The following GSE1 variants were observed in gnomAD, a reference collection of about 807,000 sequenced individuals.
The protein encoded by GSE1 is Gse1 coiled-coil protein, also known as genetic suppressor element 1.
GSE1 carries 32 observed loss-of-function variants against 112.6 expected under a neutral mutation model. The ratio of observed to expected loss-of-function variants is 0.28; its 90% CI spans 0.21 to 0.38. The LOEUF (loss-of-function observed/expected upper bound fraction) is 0.38, where lower values mean the gene tolerates loss of function less well. Among genes scored for constraint, GSE1 ranks in the 10% least tolerant of loss-of-function variants. The pLI is 1.00. For synonymous variants in GSE1, 1,115 were observed against 735.6 expected, an observed-to-expected ratio of 1.52 and a Z score of -8.35; for missense variants, 2,348 against 1,699.2, an observed-to-expected ratio of 1.38 and a Z score of -6.71.
intron 2 of GSE1, among the ~76,000 whole-genome samples, chr16:85,519,367 C>T (rs1228198113): frequency 2.1e-5 from 2 of 93,118 alleles, no homozygotes; most frequent in Admixed American, 1.1e-4. Flanking sequence ...TCACCATCAC[C>T]GGTCTCCATC....
chr16:85,512,051 C>A (rs1385686574), intron 2 of GSE1, among the ~76,000 whole-genome samples: 1 of 152,068 alleles, frequency 6.6e-6, no homozygotes, highest in African/African-American at 2.4e-5. Context: ...TTGTGAGGGT[C>A]CGGGGGCTGG....
chr16:85,452,053 G>A (rs1465905549), intron 2 of GSE1, among the ~76,000 whole-genome samples: 1 of 152,110 alleles, frequency 6.6e-6, no homozygotes, highest in African/African-American at 2.4e-5. Context: ...GTGTCTCGGT[G>A]TCAGGTTAGA....
chr16:85,412,731 C>T (rs1217708997), intron 2 of GSE1, among the ~76,000 whole-genome samples: 1 of 151,652 alleles, frequency 6.6e-6, no homozygotes, highest in African/African-American at 2.4e-5. Context: ...CTCTCAGGCC[C>T]CCCGGATAAT....
At chr16:85,595,989 CCTCCATCCGCCCACCCA>C (rs1378353113) in intron 1 of GSE1, among the ~76,000 whole-genome samples, 3 of 128,670 alleles carry the variant, frequency 2.3e-5, no homozygotes, top group African/African-American at 8.6e-5. Flanking sequence ...CCCACTCATT[CCTCCATCCGCCCACCCA>C]TTCTCCCATC....
At chr16:85,354,832 T>A (rs572081637) in intron 1 of GSE1, among the ~76,000 whole-genome samples, 6 of 152,382 alleles carry the variant, frequency 3.9e-5, no homozygotes, top group Non-Finnish European at 7.3e-5. Flanking sequence ...AGCATCACCC[T>A]GCAGCATTTC....
intron 2 of GSE1, among the ~76,000 whole-genome samples, chr16:85,480,382 C>A (rs901252910): frequency 1.3e-5 from 2 of 152,026 alleles, no homozygotes; most frequent in Non-Finnish European, 2.9e-5. Context: ...CGGCAGGGGG[C>A]GCGCGTGGCA....
chr16:85,656,711 C>T (rs910888338), intron 7 of GSE1, 46 bp downstream of exon 7: 101 of 1,448,516 alleles, frequency 7.0e-5, no homozygotes, highest in Admixed American at 3.5e-4. Context: ...CTCAGCCACC[C>T]GCGGGGAGGA....
Position 85,663,111 on chromosome 16 carries a change from C to A in GSE1, c.2373+18C>A. 1 of 1,517,656 alleles carries A rather than the reference C, an allele frequency of 6.6e-7. No homozygotes were observed. Among genetic ancestry groups the A allele is most frequent in the Non-Finnish European group, 9.1e-7 (1 of 1,094,888 alleles). 94.0% of individuals were successfully genotyped at this position (1,517,656 alleles called of 1,614,324 possible). ...CCTCTGAGGTACTGGGCTCTCCTCC[C>A]CACGGACATGCTCTGGGCTGGGCTC... On this transcript the variant is annotated intron_variant, in intron 10 of 15. Transcript: ENST00000253458.
chr16:85,566,100 T>C (rs1316900189), intron 1 of GSE1, among the ~76,000 whole-genome samples: 3 of 152,200 alleles, frequency 2.0e-5, no homozygotes, highest in Non-Finnish European at 4.4e-5. Flanking sequence ...ATGAGTTAAC[T>C]GGCAGAAGGG....
chr16:85,324,624 G>A (rs544860778), intron 1 of GSE1, among the ~76,000 whole-genome samples: 1 of 152,160 alleles, frequency 6.6e-6, no homozygotes, highest in South Asian at 2.1e-4. Context: ...CAGCACAGAA[G>A]CTGTCAGTTG....
At chr16:85,197,659 G>C (rs968739694) in intron 1 of GSE1, among the ~76,000 whole-genome samples, 2 of 152,166 alleles carry the variant, frequency 1.3e-5, no homozygotes, top group East Asian at 3.9e-4. Flanking sequence ...TAGGAAGCTT[G>C]GCAGCTCCCT....
intron 2 of GSE1, among the ~76,000 whole-genome samples, chr16:85,467,176 T>C (rs929069051): frequency 5.9e-5 from 9 of 152,162 alleles, no homozygotes; most frequent in Non-Finnish European, 1.0e-4. Flanking sequence ...GGCACCCGCG[T>C]CTTCACCCTT....
intron 2 of GSE1, among the ~76,000 whole-genome samples, chr16:85,514,222 C>T (rs2051841978): frequency 6.6e-6 from 1 of 151,544 alleles, no homozygotes; most frequent in South Asian, 2.1e-4. Flanking sequence ...TCCCCTCTCC[C>T]CTCCCCGGTT....
chr16:85,430,068 C>T (rs12448281), intron 2 of GSE1, among the ~76,000 whole-genome samples: 84,467 of 151,656 alleles, frequency 0.56, 25,963 homozygotes, highest in Non-Finnish European at 0.7. Context: ...GGGAATCCAT[C>T]GGGGGTTCAG....
At chr16:85,280,711 T>C (rs1235553840) in intron 1 of GSE1, among the ~76,000 whole-genome samples, 1 of 152,224 alleles carries the variant, frequency 6.6e-6, no homozygotes, top group Non-Finnish European at 1.5e-5. Context: ...GTCTCTTTAA[T>C]TTGGGGATTG....
intron 1 of GSE1, among the ~76,000 whole-genome samples, chr16:85,619,025 T>C (rs1194346211): frequency 1.3e-5 from 2 of 152,246 alleles, no homozygotes; most frequent in Admixed American, 6.5e-5. Context: ...TCCCTTGCGG[T>C]GTTGGGGGTG....
At chr16:85,194,290 G>T (rs1264702623) in intron 1 of GSE1, among the ~76,000 whole-genome samples, 1 of 152,170 alleles carries the variant, frequency 6.6e-6, no homozygotes, top group Admixed American at 6.5e-5. Flanking sequence ...CTGGGATGCT[G>T]GTTCTTTCAT....
At chr16:85,428,961 C>T (rs1160638676) in intron 2 of GSE1, among the ~76,000 whole-genome samples, 1 of 152,182 alleles carries the variant, frequency 6.6e-6, no homozygotes, top group Non-Finnish European at 1.5e-5. Context: ...TTGTAAGGTA[C>T]TCCTTCTGCC....
At chr16:85,588,437 T>C (rs940618204) in intron 1 of GSE1, among the ~76,000 whole-genome samples, 1 of 152,174 alleles carries the variant, frequency 6.6e-6, no homozygotes, top group African/African-American at 2.4e-5. Context: ...TTTATGATCC[T>C]CAAGGGCCCT....
Sources: allele counts gnomAD v4.1 joint callset (sites outside exome capture counted in the v4.1 genomes callset), GRCh38; gene constraint gnomAD v4.1.1; transcripts MANE v1.5; gene names NCBI Gene and HGNC (gene_info 2026-07-23, HGNC 2026-07-21).